Variants in TRMT11 observed in about 807,000 individuals in gnomAD.
TRMT11 encodes the protein tRNA (guanine(10)-N(2))-methyltransferase TRMT11.
Under a neutral mutation model 62.8 loss-of-function variants are expected in TRMT11, and 53 were observed. The ratio of observed to expected loss-of-function variants is 0.84; its 90% CI spans 0.68 to 1.06. TRMT11 has a LOEUF of 1.06. Ranked by LOEUF, TRMT11 falls within the 50% of genes least tolerant of loss-of-function variation. The pLI, the probability that TRMT11 is intolerant of heterozygous loss-of-function variation, is 0.00. For synonymous variants in TRMT11, 188 were observed against 190.3 expected (o/e 0.99, Z 0.10); for missense variants, 556 against 553.4 (o/e 1.00, Z -0.05).
intron 21 of TRMT11, among the ~76,000 whole-genome samples, chr6:126,160,508 G>A (rs1290840080): frequency 6.6e-6 from 1 of 152,084 alleles, no homozygotes; most frequent in African/African-American, 2.4e-5. Flanking sequence ...GAGGTAAGAA[G>A]GACAGCGATC....
chr6:126,039,060 C>T lies in TRMT11; in HGVS notation c.*224C>T. The T allele has an allele frequency of 3.0e-6, 1 of 338,742 alleles. No homozygotes were observed. The highest frequency in any genetic ancestry group is 5.4e-5 in the East Asian group (1 of 18,612). The allele number at this position is 338,742 out of a possible 1,614,324, so 21.0% of individuals were successfully genotyped here. A position where few individuals can be genotyped will look rare whatever the true frequency, so the allele number is the denominator to read the frequency against. ...TAATCTTATTTAATGTATATTTGTA[C>T]TTTCAAGTACTGATGGAGATAGACT... On this transcript the variant is annotated 3_prime_UTR_variant, in exon 13 of 13. Coordinates refer to ENST00000334379, the MANE Select transcript of TRMT11 (RefSeq NM_001031712.3).
chr6:126,221,641 G>T, the TRMT11 span, among the ~76,000 whole-genome samples: 167 of 152,112 alleles, frequency 1.1e-3, no homozygotes, highest in Middle Eastern at 3.4e-3. Flanking sequence ...ATAGATTCTG[G>T]ATATTAACCT....
intron 11 of TRMT11, among the ~76,000 whole-genome samples, chr6:126,013,319 C>T (rs555395373): frequency 6.6e-6 from 1 of 151,944 alleles, no homozygotes; most frequent in Non-Finnish European, 1.5e-5. Context: ...TGCAGTAGTG[C>T]AATCGTGACT....
At chr6:126,078,998 AT>A (rs1777098533) in intron 17 of TRMT11, among the ~76,000 whole-genome samples, 1 of 152,198 alleles carries the variant, frequency 6.6e-6, no homozygotes, top group Admixed American at 6.5e-5. Context: ...TGTCTTTTAG[AT>A]GAGTAAACTA....
intron 17 of TRMT11, among the ~76,000 whole-genome samples, chr6:126,106,589 G>A (rs1393294829): frequency 1.3e-5 from 2 of 152,212 alleles, no homozygotes; most frequent in Non-Finnish European, 2.9e-5. Flanking sequence ...GCTCTGGAGA[G>A]AGACTTGGGT....
intron 21 of TRMT11, among the ~76,000 whole-genome samples, chr6:126,147,272 C>T (rs1777984806): frequency 6.6e-6 from 1 of 151,984 alleles, no homozygotes; most frequent in Non-Finnish European, 1.5e-5. Flanking sequence ...TTATTGGTAT[C>T]CTTTTATGGA....
chr6:126,261,537 G>A, the TRMT11 span, among the ~76,000 whole-genome samples: 24 of 152,116 alleles, frequency 1.6e-4, no homozygotes, highest in African/African-American at 4.6e-4. Context: ...ATTGATCCGT[G>A]TATCTAGTAG....
chr6:126,044,960 T>C lies in TRMT11; in HGVS notation c.*1369+4115T>C, dbSNP rs539060761. Among the ~76,000 whole-genome samples the C allele has an allele frequency of 1.5e-3, 227 of 152,054 alleles. 1 individual carries two copies. Among genetic ancestry groups the C allele is most frequent in the African/African-American group, 5.4e-3 (223 of 41,456 alleles). On this transcript the variant is annotated intron_variant and NMD_transcript_variant, in intron 16 of 22. Transcript: ENST00000648977. ...CAGCATTTTGGGAGGCTGAGGCAGG[T>C]GGATCACCTGAGGTCAGGAGTTTGA...
At chr6:126,214,207 ATG>A in the TRMT11 span, among the ~76,000 whole-genome samples, 1 of 151,048 alleles carries the variant, frequency 6.6e-6, no homozygotes, top group Non-Finnish European at 1.5e-5. Flanking sequence ...TTCTTTTTTG[ATG>A]TGTTTTTCTA....
intron 17 of TRMT11, among the ~76,000 whole-genome samples, chr6:126,060,950 G>A (rs1776519152): frequency 6.6e-6 from 1 of 152,216 alleles, no homozygotes; most frequent in African/African-American, 2.4e-5. Context: ...AAAACTTATT[G>A]GAGTGGGCAG....
chr6:126,111,248 C>A (rs1777527934), intron 17 of TRMT11, among the ~76,000 whole-genome samples: 1 of 152,058 alleles, frequency 6.6e-6, no homozygotes, highest in Admixed American at 6.6e-5. Context: ...TCTCACTCTA[C>A]CACTCTCATA....
At chr6:126,049,694 C>T (rs1293827642) in intron 16 of TRMT11, among the ~76,000 whole-genome samples, 3 of 152,156 alleles carry the variant, frequency 2.0e-5, no homozygotes, top group African/African-American at 7.2e-5. Flanking sequence ...ATTAAGTACA[C>T]AGGAGAAGCC....
rs1562263306 is a variant in TRMT11, at chr6:126,012,835, AGAAAAATGG to A, written c.1000_1007+1del. ...CACAGAAGGAGATACCAAAGGGGATAGAAAAATGGGAAAAATGGTAAGTGAAATTTAAAT... is the reference window on the plus strand; with the variant it reads ...CACAGAAGGAGATACCAAAGGGGATAGAAAAATGGTAAGTGAAATTTAAAT... On this transcript the variant is annotated inframe_deletion, in exon 10 of 13. Coordinates refer to ENST00000334379, the MANE Select transcript of TRMT11 (RefSeq NM_001031712.3). 3 of 1,613,780 alleles carry A rather than the reference AGAAAAATGG, an allele frequency of 1.9e-6. No homozygotes were observed. In the South Asian group the frequency reaches 3.3e-5, roughly 18 times the overall value.
intron 21 of TRMT11, among the ~76,000 whole-genome samples, chr6:126,120,585 T>C (rs1777639106): frequency 6.6e-6 from 1 of 152,176 alleles, no homozygotes; most frequent in Non-Finnish European, 1.5e-5. Context: ...TTCTCTCATA[T>C]ATGAGTCCTT....
intron 12 of TRMT11, among the ~76,000 whole-genome samples, chr6:126,022,636 CCTTATGCAAAAT>C (rs1248606772): frequency 2.0e-5 from 3 of 152,134 alleles, no homozygotes; most frequent in Non-Finnish European, 4.4e-5. Context: ...TATGTCACTA[CCTTATGCAAAAT>C]CTTTTTTTAT....
At chr6:126,115,570 A>T (rs1777577725) in intron 20 of TRMT11, among the ~76,000 whole-genome samples, 1 of 152,140 alleles carries the variant, frequency 6.6e-6, no homozygotes, top group South Asian at 2.1e-4. Flanking sequence ...GAAAATATTT[A>T]TATTGCTATT....
intron 21 of TRMT11, among the ~76,000 whole-genome samples, chr6:126,133,292 T>G (rs1433079296): frequency 1.3e-5 from 2 of 152,022 alleles, no homozygotes; most frequent in Admixed American, 6.6e-5. Context: ...CAGTTAAGTG[T>G]CTAAATGCTT....
At chr6:126,177,374 A>G (rs1778398524) in intron 1 of TRMT11, 1 of 152,212 alleles carries the variant, frequency 6.6e-6, no homozygotes, top group Non-Finnish European at 1.5e-5. Flanking sequence ...TATAAGATTT[A>G]TAATGAAAAA....
At chr6:126,026,415 C>A (rs1773104945) in intron 12 of TRMT11, among the ~76,000 whole-genome samples, 1 of 151,496 alleles carries the variant, frequency 6.6e-6, no homozygotes, top group Admixed American at 6.6e-5. Context: ...GAGATAGAGT[C>A]TTACTCTGTT....
Sources: allele counts gnomAD v4.1 joint callset (sites outside exome capture counted in the v4.1 genomes callset), GRCh38; gene constraint gnomAD v4.1.1; transcripts MANE v1.5; gene names NCBI Gene and HGNC (gene_info 2026-07-23, HGNC 2026-07-21).